Variants in TGIF1 observed in about 807,000 individuals in gnomAD.
TGIF1 encodes the protein homeobox protein TGIF1.
Under a neutral mutation model 19.3 loss-of-function variants are expected in TGIF1, and 4 were observed. The observed-to-expected ratio is 0.21, with a 90% confidence interval of 0.10 to 0.47. The LOEUF (loss-of-function observed/expected upper bound fraction) is 0.47, where lower values mean the gene tolerates loss of function less well. Ranked by LOEUF, TGIF1 falls within the 20% of genes least tolerant of loss-of-function variation. The pLI is 0.98. For missense variants in TGIF1, 275 were observed against 341.4 expected, an observed-to-expected ratio of 0.81 and a Z score of 1.53; for synonymous variants, 122 against 129.3, an observed-to-expected ratio of 0.94 and a Z score of 0.38.
intron 2 of TGIF1, among the ~76,000 whole-genome samples, chr18:3,444,402 C>A (rs1376549106): frequency 6.8e-6 from 1 of 147,698 alleles, no homozygotes; most frequent in Non-Finnish European, 1.5e-5. Context: ...CATATTATTT[C>A]ATCATCCAGA....
intron 1 of TGIF1, among the ~76,000 whole-genome samples, chr18:3,452,611 T>G (rs1456538741): frequency 1.3e-5 from 2 of 152,202 alleles, no homozygotes; most frequent in East Asian, 3.9e-4. Flanking sequence ...CTGTTTCACT[T>G]GAGGCCGAGG....
intron 2 of TGIF1, among the ~76,000 whole-genome samples, chr18:3,426,879 G>A (rs539445374): frequency 2.6e-5 from 4 of 151,264 alleles, no homozygotes; most frequent in Admixed American, 2.0e-4. Context: ...AAGCAGTGGG[G>A]TACTATGCAG....
At chr18:3,443,032 A>G (rs1373489093) in intron 2 of TGIF1, among the ~76,000 whole-genome samples, 1 of 152,186 alleles carries the variant, frequency 6.6e-6, no homozygotes, top group Non-Finnish European at 1.5e-5. Context: ...GTTTTGATGC[A>G]GCTATTCCAC....
upstream of TGIF1, among the ~76,000 whole-genome samples, chr18:3,447,126 T>C (rs2082758471): frequency 6.6e-6 from 1 of 152,168 alleles, no homozygotes; most frequent in Non-Finnish European, 1.5e-5. Context: ...TTTTAACAAC[T>C]TTCTTTGCTT....
chr18:3,450,407 GAGA>G lies in TGIF1; in HGVS notation c.-82_-80del. 1 of 1,549,324 alleles carries G rather than the reference GAGA, an allele frequency of 6.5e-7. No homozygotes were observed. The highest frequency in any genetic ancestry group is 8.7e-7 in the Non-Finnish European group (1 of 1,145,994). On this transcript the variant is annotated 5_prime_UTR_variant, in exon 1 of 3. Transcript: ENST00000343820. ...AGTTACGGGAGAGTCGGCTGTGAAG[GAGA>G]CGTTCGCTTATCCCCTGTGTCCCCG...
intron 2 of TGIF1, among the ~76,000 whole-genome samples, chr18:3,427,707 C>T (rs1287224135): frequency 6.6e-6 from 1 of 150,814 alleles, no homozygotes; most frequent in Admixed American, 6.6e-5. Context: ...TCAAGCAATT[C>T]TCCTGCCTCA....
chr18:3,427,639 A>G (rs1231873181), intron 2 of TGIF1, among the ~76,000 whole-genome samples: 1 of 144,508 alleles, frequency 6.9e-6, no homozygotes, highest in East Asian at 2.0e-4. Flanking sequence ...TCCCTCTGTC[A>G]CCCAGGCTGG....
intron 2 of TGIF1, among the ~76,000 whole-genome samples, chr18:3,444,286 CTTT>C (rs57205118): frequency 1.4e-4 from 17 of 122,224 alleles, no homozygotes; most frequent in African/African-American, 4.9e-4. Flanking sequence ...ACTTTCTTTT[CTTT>C]TTTTTTTTTT....
intron 2 of TGIF1, among the ~76,000 whole-genome samples, chr18:3,438,009 G>A (rs1017234374): frequency 4.6e-5 from 7 of 151,952 alleles, no homozygotes; most frequent in African/African-American, 1.7e-4. Flanking sequence ...GCTTGAACCC[G>A]GGAGGCAGAG....
At chr18:3,450,901 C>T (rs570788892) in intron 1 of TGIF1, among the ~76,000 whole-genome samples, 196 of 152,068 alleles carry the variant, frequency 1.3e-3, no homozygotes, top group African/African-American at 4.6e-3. Flanking sequence ...TTTCCCGATC[C>T]GGACCCAGGC....
intron 2 of TGIF1, among the ~76,000 whole-genome samples, chr18:3,425,832 C>G (rs1444792321): frequency 6.6e-6 from 1 of 152,088 alleles, no homozygotes; most frequent in Non-Finnish European, 1.5e-5. Flanking sequence ...GCCATGGGCT[C>G]AGTGGATTGG....
At chr18:3,437,499 A>G (rs777156142) in intron 2 of TGIF1, among the ~76,000 whole-genome samples, 20 of 152,210 alleles carry the variant, frequency 1.3e-4, no homozygotes, top group Non-Finnish European at 2.9e-4. Flanking sequence ...CATTTGCAAA[A>G]TAATAAGTGA....
At chr18:3,418,748 G>A (rs2082363897) in intron 2 of TGIF1, 1 of 152,134 alleles carries the variant, frequency 6.6e-6, no homozygotes, top group African/African-American at 2.4e-5. Context: ...TGGACTCATT[G>A]GACTCTTATT....
chr18:3,459,164 A>T lies in TGIF1; in HGVS notation c.*1224A>T, dbSNP rs1183374939. On this transcript the variant is annotated 3_prime_UTR_variant, in exon 3 of 3. Transcript: ENST00000343820. ...ACCATTCTTTGTAGTCATGCTTAGT[A>T]TGAGCTTGCTTTGTTGTTACGGTCA... 1 of 152,200 alleles carries T rather than the reference A, an allele frequency of 6.6e-6. No individual in the cohort carries two copies. Among genetic ancestry groups the T allele is most frequent in the Admixed American group, 6.5e-5 (1 of 15,276 alleles). The allele number at this position is 152,200 out of a possible 1,614,324, so 9.4% of individuals were successfully genotyped here.
rs2049464978 is a variant in TGIF1, at chr18:3,459,809, T to A, written c.*1869T>A. ...TTTTCCCTATTGAGGTTGTTACAGGTCATGGTTGATAATAGTTGGTGTTGA... is the reference window on the plus strand; with the variant it reads ...TTTTCCCTATTGAGGTTGTTACAGGACATGGTTGATAATAGTTGGTGTTGA... On this transcript the variant is annotated 3_prime_UTR_variant, in exon 3 of 3. Coordinates refer to ENST00000343820, the MANE Select transcript of TGIF1 (RefSeq NM_003244.4). 2.6e-5 allele frequency: 4 copies of A among 152,230 alleles called. No individual in the cohort carries two copies. The highest frequency in any genetic ancestry group is 2.6e-4 in the Admixed American group (4 of 15,286). 9.4% of individuals were successfully genotyped at this position (152,230 alleles called of 1,614,324 possible). A position where few individuals can be genotyped will look rare whatever the true frequency, so the allele number is the denominator to read the frequency against.
intron 2 of TGIF1, among the ~76,000 whole-genome samples, chr18:3,433,431 G>T (rs2082576431): frequency 6.6e-6 from 1 of 152,200 alleles, no homozygotes; most frequent in African/African-American, 2.4e-5. Flanking sequence ...CAAGACGAAA[G>T]TAATACAATT....
chr18:3,457,400 C>T lies in TGIF1; in HGVS notation c.279C>T (p.Leu93=), dbSNP rs781534521. The T allele has an allele frequency of 4.3e-6, 7 of 1,614,214 alleles. No homozygotes were observed. The highest frequency in any genetic ancestry group is 5.1e-6 in the Non-Finnish European group (6 of 1,180,032). The change falls in exon 3 of 3, where the codon CTC becomes CTT. Residue 93 remains leucine, a synonymous_variant. Transcript: ENST00000343820. This position sits in a 1 kb window ranked among gnomAD's most constrained non-coding sequence, Gnocchi z 4.9. The stretch of plus-strand genomic sequence containing the variant: ...GGTTCATCAACGCCCGCCGCAGGCT[C>T]CTCCCTGACATGCTGAGAAAGGATG... ...CNWFINARRR[L]LPDMLRKDGK... is the part of the protein sequence containing the mutation.
intron 2 of TGIF1, among the ~76,000 whole-genome samples, chr18:3,429,161 A>G (rs2082514535): frequency 6.6e-6 from 1 of 152,190 alleles, no homozygotes; most frequent in Admixed American, 6.6e-5. Context: ...GGCTCAATCA[A>G]TTCTTGTGCC....
chr18:3,452,412 T>A (rs769658869), intron 1 of TGIF1: 9 of 1,612,964 alleles, frequency 5.6e-6, no homozygotes, highest in Non-Finnish European at 7.6e-6. Context: ...ACTTTGCGAC[T>A]GGTTCAGGGC....
Sources: allele counts gnomAD v4.1 joint callset (sites outside exome capture counted in the v4.1 genomes callset), GRCh38; gene constraint gnomAD v4.1.1; non-coding constraint Gnocchi (gnomAD v3.1); transcripts MANE v1.5; gene names NCBI Gene and HGNC (gene_info 2026-07-23, HGNC 2026-07-21).